SH3RF1: variants seen among roughly 807,000 people sequenced by gnomAD.
SH3RF1 encodes the protein SH3 domain containing ring finger 1, also known as E3 ubiquitin-protein ligase SH3RF1.
A neutral mutation model predicts 74.0 loss-of-function variants in SH3RF1; 32 were observed. The observed-to-expected ratio is 0.43, with a 90% CI of 0.33 to 0.58. The LOEUF (loss-of-function observed/expected upper bound fraction) is 0.58, where lower values mean the gene tolerates loss of function less well. SH3RF1 is among the 20% of genes least tolerant of loss of function. SH3RF1 has a pLI of 0.05. For missense variants in SH3RF1, 954 were observed against 1,130.9 expected (o/e 0.84, Z 2.24); for synonymous variants, 396 against 439.6 (o/e 0.90, Z 1.24).
chr4:169,153,732 T>C (rs1379923542), intron 4 of SH3RF1, among the ~76,000 whole-genome samples: 1 of 152,194 alleles, frequency 6.6e-6, no homozygotes, highest in Non-Finnish European at 1.5e-5. Flanking sequence ...CTCCTAAAGA[T>C]AGACAGCTTG....
chr4:169,265,563 TC>T (rs1731339198), intron 2 of SH3RF1, among the ~76,000 whole-genome samples: 1 of 152,170 alleles, frequency 6.6e-6, no homozygotes, highest in African/African-American at 2.4e-5. Context: ...AAACTCTGCC[TC>T]CCAGGTTCAA....
rs981119669 is a variant in SH3RF1 at position 169,107,104 on chromosome 4, G to A, written c.2241C>T (p.Gly747=). The change falls in exon 11 of 12, where the codon GGC becomes GGT. Residue 747 remains glycine, a synonymous_variant. Coordinates refer to ENST00000284637, the MANE Select transcript of SH3RF1 (RefSeq NM_020870.4). ...CTCCCTGGAGAGGAAGCTCTGCACTGCCCAGCTCCACTTCTAGGGTGGGCG... is the reference window on the plus strand; with the variant it reads ...CTCCCTGGAGAGGAAGCTCTGCACTACCCAGCTCCACTTCTAGGGTGGGCG... The part of the protein sequence containing the change: ...PASPTLEVEL[G]SAELPLQGAV... The A allele has an allele frequency of 1.9e-6, 3 of 1,613,766 alleles. No homozygotes were observed. Among genetic ancestry groups the A allele is most frequent in the Non-Finnish European group, 1.7e-6 (2 of 1,179,904 alleles).
intron 11 of SH3RF1, among the ~76,000 whole-genome samples, chr4:169,102,458 T>C (rs1353506025): frequency 1.3e-5 from 2 of 152,190 alleles, no homozygotes; most frequent in East Asian, 1.9e-4. Flanking sequence ...GTTTAATTCC[T>C]ACATTTAAAA....
chr4:169,203,098 T>C (rs1178651135), intron 2 of SH3RF1, among the ~76,000 whole-genome samples: 2 of 152,160 alleles, frequency 1.3e-5, no homozygotes, highest in African/African-American at 2.4e-5. Context: ...TAAACAAGCA[T>C]TTTCCAAAAT....
In SH3RF1 at chr4:169,209,781, T is replaced by A. The variant is rs1730327592; in HGVS notation, c.394-53102A>T. Reference sequence around the variant, plus strand: ...CCATGCAATAAATGTTAACTGCTTTTTCTTCATGCCCTTTCTTTTATTTTT... The same window carrying A: ...CCATGCAATAAATGTTAACTGCTTTATCTTCATGCCCTTTCTTTTATTTTT... On this transcript the variant is annotated intron_variant, in intron 2 of 11. Transcript: ENST00000284637. 2.6e-5 allele frequency among the ~76,000 whole-genome samples: 4 copies of A among 152,154 alleles called. No homozygotes were observed. In the South Asian group the frequency reaches 8.3e-4, roughly 32 times the overall value.
intron 2 of SH3RF1, among the ~76,000 whole-genome samples, chr4:169,194,116 T>A (rs1259302753): frequency 1.3e-5 from 2 of 152,166 alleles, no homozygotes; most frequent in African/African-American, 2.4e-5. Flanking sequence ...CAGAGACACA[T>A]ACTCAGAGTG....
Position 169,145,812 on chromosome 4 carries a change from C to A in SH3RF1, c.766-9192G>T, listed in dbSNP as rs1024093079. 8.4e-5 allele frequency among the ~76,000 whole-genome samples: 11 copies of A among 130,890 alleles called. 1 individual carries two copies. The highest frequency in any genetic ancestry group is 4.7e-4 in the South Asian group (2 of 4,228). The allele number at this position is 130,890 out of a possible 152,430, so 85.9% of individuals were successfully genotyped here. The stretch of plus-strand genomic sequence containing the variant: ...TATTATTCTATATAAAATATATATT[C>A]TATATATTATTCTATATAAAATATG... On this transcript the variant is annotated intron_variant, in intron 4 of 11. Coordinates refer to ENST00000284637, the MANE Select transcript of SH3RF1 (RefSeq NM_020870.4).
At chr4:169,222,480 A>G (rs1194289616) in intron 2 of SH3RF1, among the ~76,000 whole-genome samples, 1 of 149,006 alleles carries the variant, frequency 6.7e-6, no homozygotes, top group South Asian at 2.1e-4. Context: ...ATACATATAT[A>G]TGTATTTTAT....
rs116631825 is a variant in SH3RF1, at chr4:169,105,641, C to T, written c.2498+1206G>A. On this transcript the variant is annotated intron_variant, in intron 11 of 11. Coordinates refer to ENST00000284637, the MANE Select transcript of SH3RF1 (RefSeq NM_020870.4). ...AGACATCGTGGCTCACGCCTGTAAT[C>T]GCAGCATTTTGGGAGGCTGGGGCAG... 4.1e-3 allele frequency among the ~76,000 whole-genome samples: 621 copies of T among 152,320 alleles called. 5 individuals carry two copies. The highest frequency in any genetic ancestry group is 0.014 in the African/African-American group (599 of 41,564).
intron 10 of SH3RF1, among the ~76,000 whole-genome samples, chr4:169,112,038 C>G (rs1324093897): frequency 6.6e-6 from 1 of 152,174 alleles, no homozygotes; most frequent in African/African-American, 2.4e-5. Flanking sequence ...CTCTGTGGAA[C>G]AGCAGCAGTA....
At chr4:169,165,854 G>T (rs897815867) in intron 2 of SH3RF1, among the ~76,000 whole-genome samples, 2 of 152,122 alleles carry the variant, frequency 1.3e-5, no homozygotes, top group African/African-American at 4.8e-5. Context: ...ATTCAACTGA[G>T]AAAAATAAAG....
intron 2 of SH3RF1, among the ~76,000 whole-genome samples, chr4:169,258,359 C>T (rs934389002): frequency 3.3e-5 from 5 of 152,182 alleles, no homozygotes; most frequent in African/African-American, 9.7e-5. Context: ...ACTTTGGGGC[C>T]TTTAACCAAC....
chr4:169,155,352 A>C (rs1249391709), intron 4 of SH3RF1, 128 bp downstream of exon 4: 1 of 666,508 alleles, frequency 1.5e-6, no homozygotes. Context: ...TGATCTGTCC[A>C]GTGATCTGTA....
chr4:169,096,365 G>T lies in SH3RF1; in HGVS notation c.*154C>A, dbSNP rs1387464456. ...CACAAACATCTTCTTCATTCTGCTC[G>T]CTGGGGTAACTGTGCTGGGGCATCA... On this transcript the variant is annotated 3_prime_UTR_variant, in exon 12 of 12. Coordinates refer to ENST00000284637, the MANE Select transcript of SH3RF1 (RefSeq NM_020870.4). 1.1e-5 allele frequency: 8 copies of T among 728,546 alleles called. No homozygotes were observed. Among genetic ancestry groups the T allele is most frequent in the East Asian group, 2.6e-5 (1 of 38,308 alleles). The allele number at this position is 728,546 out of a possible 1,614,324, so 45.1% of individuals were successfully genotyped here. A position where few individuals can be genotyped will look rare whatever the true frequency, so the allele number is the denominator to read the frequency against.
At chr4:169,172,156 A>C (rs1734341303) in intron 2 of SH3RF1, among the ~76,000 whole-genome samples, 1 of 152,250 alleles carries the variant, frequency 6.6e-6, no homozygotes, top group African/African-American at 2.4e-5. Flanking sequence ...GCAAGAGCTG[A>C]AAACATATTA....
At chr4:169,207,121 CTA>C in intron 2 of SH3RF1, among the ~76,000 whole-genome samples, 1 of 152,242 alleles carries the variant, frequency 6.6e-6, no homozygotes, top group African/African-American at 2.4e-5. Context: ...CCATGCCTGG[CTA>C]ACTTTTTTCT....
intron 2 of SH3RF1, among the ~76,000 whole-genome samples, chr4:169,259,751 C>T (rs1285987294): frequency 1.3e-5 from 2 of 152,130 alleles, no homozygotes; most frequent in Non-Finnish European, 2.9e-5. Context: ...CATATGTACA[C>T]CTCACTATAC....
chr4:169,267,932 G>A (rs115153544), intron 2 of SH3RF1, among the ~76,000 whole-genome samples: 1,560 of 152,132 alleles, frequency 0.01, 28 homozygotes, highest in African/African-American at 0.036. Context: ...CAAAAATGAA[G>A]TTGTTTTAAT....
intron 2 of SH3RF1, among the ~76,000 whole-genome samples, chr4:169,259,678 AG>A (rs2110756628): frequency 6.6e-6 from 1 of 152,248 alleles, no homozygotes; most frequent in Non-Finnish European, 1.5e-5. Flanking sequence ...AGGGTGAGGG[AG>A]TTGAAGTTTC....
Sources: allele counts gnomAD v4.1 joint callset (sites outside exome capture counted in the v4.1 genomes callset), GRCh38; gene constraint gnomAD v4.1.1; transcripts MANE v1.5; gene names NCBI Gene and HGNC (gene_info 2026-07-23, HGNC 2026-07-21).